ASTN2: variants seen among roughly 807,000 people sequenced by gnomAD.
The protein encoded by ASTN2 is astrotactin-2.
Under a neutral mutation model 139.8 loss-of-function variants are expected in ASTN2, and 54 were observed. That is an observed-to-expected ratio of 0.39 (90% CI 0.31 to 0.48). ASTN2 has a LOEUF of 0.48. ASTN2 is among the 20% of genes least tolerant of loss of function. The probability of loss-of-function intolerance (pLI) is 0.95; values close to 1 mark genes in which losing one functional copy is unlikely to be tolerated. For synonymous variants in ASTN2, 756 were observed against 719.5 expected (o/e 1.05, Z -0.81); for missense variants, 1,565 against 1,725.1 (o/e 0.91, Z 1.64).
intron 5 of ASTN2, among the ~76,000 whole-genome samples, chr9:117,042,528 G>A (rs1332322350): frequency 1.3e-5 from 2 of 152,110 alleles, no homozygotes; most frequent in Non-Finnish European, 2.9e-5. Context: ...TGATTCCAGT[G>A]TCCAAAGATG....
At chr9:116,484,589 C>T (rs557089860) in intron 20 of ASTN2, among the ~76,000 whole-genome samples, 2 of 152,236 alleles carry the variant, frequency 1.3e-5, no homozygotes, top group East Asian at 1.9e-4. Context: ...GGAGGAGAGC[C>T]GCCAATGGGA....
At chr9:117,247,161 G>A (rs1019875951) in intron 2 of ASTN2, among the ~76,000 whole-genome samples, 2 of 152,210 alleles carry the variant, frequency 1.3e-5, no homozygotes, top group Non-Finnish European at 2.9e-5. Flanking sequence ...CAGAACAAGA[G>A]AGAAAAGTAA....
chr9:117,314,511 C>T (rs1452158788), intron 1 of ASTN2, among the ~76,000 whole-genome samples: 1 of 151,018 alleles, frequency 6.6e-6, no homozygotes, highest in Non-Finnish European at 1.5e-5. Flanking sequence ...AATATACCCC[C>T]TACCCAGATC....
At chr9:116,558,662 G>A (rs1323689069) in intron 19 of ASTN2, among the ~76,000 whole-genome samples, 1 of 152,108 alleles carries the variant, frequency 6.6e-6, no homozygotes, top group Non-Finnish European at 1.5e-5. Context: ...CTTTTGTCAA[G>A]CCACGGGTTC....
intron 6 of ASTN2, among the ~76,000 whole-genome samples, chr9:117,008,966 C>T (rs1394958611): frequency 6.6e-6 from 1 of 152,092 alleles, no homozygotes; most frequent in Non-Finnish European, 1.5e-5. Context: ...AAATCCCCAG[C>T]ACCTCTAAGG....
chr9:116,521,837 T>C (rs1850888957), intron 19 of ASTN2, among the ~76,000 whole-genome samples: 1 of 136,242 alleles, frequency 7.3e-6, no homozygotes, highest in African/African-American at 2.8e-5. Context: ...AACAATCCCA[T>C]TAAAAAGCAG....
chr9:116,576,628 G>A (rs752648586), intron 19 of ASTN2, among the ~76,000 whole-genome samples: 35 of 152,250 alleles, frequency 2.3e-4, no homozygotes, highest in Non-Finnish European at 4.7e-4. Context: ...TAGCAAGAAC[G>A]GCCCTGCTGG....
intron 19 of ASTN2, among the ~76,000 whole-genome samples, chr9:116,576,364 T>C (rs990598754): frequency 1.3e-5 from 2 of 152,178 alleles, no homozygotes; most frequent in African/African-American, 4.8e-5. Flanking sequence ...TTATTTGACC[T>C]AATTACAAAT....
chr9:116,993,874 A>T (rs920929029), intron 7 of ASTN2, among the ~76,000 whole-genome samples: 139 of 134,360 alleles, frequency 1.0e-3, no homozygotes, highest in African/African-American at 3.6e-3. Context: ...ATATATATAT[A>T]TATTTTAACT....
chr9:116,485,686 C>A (rs183071733), intron 20 of ASTN2, among the ~76,000 whole-genome samples: 1 of 152,326 alleles, frequency 6.6e-6, no homozygotes, highest in South Asian at 2.1e-4. Context: ...CACTGGAAGA[C>A]GTGGAATTGC....
intron 10 of ASTN2, among the ~76,000 whole-genome samples, chr9:116,915,250 G>T (rs1250532433): frequency 6.6e-6 from 1 of 152,200 alleles, no homozygotes; most frequent in Non-Finnish European, 1.5e-5. Flanking sequence ...AGTTCTCATG[G>T]CCATGGTCAT....
intron 13 of ASTN2, among the ~76,000 whole-genome samples, chr9:116,792,334 C>T (rs1208550899): frequency 6.6e-6 from 1 of 152,170 alleles, no homozygotes; most frequent in Admixed American, 6.5e-5. Flanking sequence ...AAATGGATTT[C>T]TCGCTACTCT....
intron 3 of ASTN2, among the ~76,000 whole-genome samples, chr9:117,145,076 A>T (rs1217355210): frequency 6.6e-6 from 1 of 152,086 alleles, no homozygotes; most frequent in Non-Finnish European, 1.5e-5. Context: ...TGGTGTGCAG[A>T]GTATTTTATC....
intron 13 of ASTN2, among the ~76,000 whole-genome samples, chr9:116,775,696 GGGAAAGAAGGAA>G (rs1450262946): frequency 2.4e-4 from 32 of 131,320 alleles, no homozygotes; most frequent in Non-Finnish European, 3.7e-4. Context: ...GGAGAAAGGA[GGGAAAGAAGGAA>G]GGAAAGAAGG....
At chr9:117,279,875 C>T (rs1023494939) in intron 2 of ASTN2, among the ~76,000 whole-genome samples, 3 of 152,170 alleles carry the variant, frequency 2.0e-5, no homozygotes, top group Non-Finnish European at 4.4e-5. Flanking sequence ...ATGCTCATTT[C>T]TCTCTCCATC....
At chr9:117,127,672 G>GTTT (rs11427891) in intron 4 of ASTN2, among the ~76,000 whole-genome samples, 1,571 of 70,920 alleles carry the variant, frequency 0.022, 207 homozygotes, top group African/African-American at 0.026. Flanking sequence ...TTTTGTTTTG[G>GTTT]TTTTTTTTTT....
In ASTN2 at chr9:116,698,388, T is replaced by C; in HGVS notation, c.2806+27383A>G. 6.2e-7 allele frequency: 1 copy of C among 1,614,034 alleles called. No individual in the cohort carries two copies. Among genetic ancestry groups the C allele is most frequent in the Non-Finnish European group, 8.5e-7 (1 of 1,180,000 alleles). ...AGGCTCTTTGGCTGAAGTTGAGAAG[T>C]CCAATAGTCAAGTGGTAGAGGAGCA... On this transcript the variant is annotated intron_variant, in intron 16 of 22. Coordinates refer to ENST00000313400, the MANE Select transcript of ASTN2 (RefSeq NM_001365068.1). This position sits in a 1 kb window ranked among gnomAD's most constrained non-coding sequence, Gnocchi z 4.4.
At position 116,652,387 on chromosome 9, in the gene ASTN2, GATT is replaced by G. The variant is rs374063225; in HGVS notation, c.2807-597_2807-595del. Among the ~76,000 whole-genome samples, 529 of 152,196 alleles carry G rather than the reference GATT, an allele frequency of 3.5e-3. 1 individual carries two copies. Among genetic ancestry groups the G allele is most frequent in the African/African-American group, 0.012 (509 of 41,536 alleles). The stretch of plus-strand genomic sequence containing the variant: ...TAAATAAAGTTGGTAGGTTGGGCTA[GATT>G]ATTATTCAATAATTTTGCAAGATAT... On this transcript the variant is annotated intron_variant, in intron 16 of 22. Transcript: ENST00000313400.
chr9:117,201,410 A>C (rs950337644), intron 3 of ASTN2, among the ~76,000 whole-genome samples: 1 of 151,530 alleles, frequency 6.6e-6, no homozygotes, highest in African/African-American at 2.4e-5. Context: ...TTGGCTCTCT[A>C]GCTCTTTTAA....
Sources: allele counts gnomAD v4.1 joint callset (sites outside exome capture counted in the v4.1 genomes callset), GRCh38; gene constraint gnomAD v4.1.1; non-coding constraint Gnocchi (gnomAD v3.1); transcripts MANE v1.5; gene names NCBI Gene and HGNC (gene_info 2026-07-23, HGNC 2026-07-21).